Variants in RAD18 observed in about 807,000 individuals in gnomAD.
RAD18 encodes the protein RAD18 E3 ubiquitin protein ligase, also known as E3 ubiquitin-protein ligase RAD18.
In RAD18, 47 loss-of-function variants were observed where a neutral mutation model predicts 60.4. That is an observed-to-expected ratio of 0.78 (90% CI 0.62 to 0.99). The LOEUF is 0.99. Ranked by LOEUF, RAD18 falls within the 50% of genes least tolerant of loss-of-function variation. The pLI is 0.00. For synonymous variants in RAD18, 225 were observed against 195.5 expected (o/e 1.15, Z -1.26); for missense variants, 640 against 593.3 (o/e 1.08, Z -0.82).
intron 12 of RAD18, among the ~76,000 whole-genome samples, chr3:8,886,920 C>T (rs124847): frequency 0.64 from 97,493 of 151,960 alleles, 31,949 homozygotes; most frequent in Middle Eastern, 0.75. Flanking sequence ...GGCCAGAACA[C>T]GAAAAGCCTT....
intron 7 of RAD18, among the ~76,000 whole-genome samples, chr3:8,923,366 AAAGAATAAAAAGAAATGAAC>A (rs1174265862): frequency 3.9e-5 from 6 of 152,266 alleles, no homozygotes; most frequent in African/African-American, 1.4e-4. Flanking sequence ...TTTAGAGAAC[AAAGAATAAAAAGAAATGAAC>A]AAAGCCTCCA....
chr3:8,961,282 T>C (rs1337022219), intron 1 of RAD18, among the ~76,000 whole-genome samples: 1 of 151,744 alleles, frequency 6.6e-6, no homozygotes, highest in Non-Finnish European at 1.5e-5. Flanking sequence ...GAATAGAGAG[T>C]GGTCAGCAGA....
chr3:8,889,174 C>T (rs969264813), intron 12 of RAD18, among the ~76,000 whole-genome samples: 1 of 152,186 alleles, frequency 6.6e-6, no homozygotes, highest in Non-Finnish European at 1.5e-5. Context: ...AAAATGTCAA[C>T]TGCACAGCAA....
intron 12 of RAD18, among the ~76,000 whole-genome samples, chr3:8,887,570 G>A (rs1334340077): frequency 6.6e-6 from 1 of 152,126 alleles, no homozygotes; most frequent in East Asian, 1.9e-4. Context: ...TTTGGTTGGC[G>A]TATCATTTGC....
intron 7 of RAD18, among the ~76,000 whole-genome samples, chr3:8,915,255 T>A (rs1473265797): frequency 1.3e-5 from 2 of 151,992 alleles, no homozygotes; most frequent in South Asian, 2.1e-4. Flanking sequence ...GAGCTATAAA[T>A]AATGTCACTC....
chr3:8,959,050 G>C, intron 1 of RAD18, 49 bp from the exon 2 acceptor site: 1 of 1,487,246 alleles, frequency 6.7e-7, no homozygotes, highest in Non-Finnish European at 9.3e-7. Context: ...ATCAAAATTG[G>C]AAGTCCTGTC....
intron 2 of RAD18, among the ~76,000 whole-genome samples, chr3:8,956,357 A>C (rs1175719038): frequency 6.6e-6 from 1 of 152,236 alleles, no homozygotes; most frequent in East Asian, 1.9e-4. Context: ...CAGGATGGTC[A>C]CTAAACGATT....
chr3:8,938,095 T>G (rs341770), intron 6 of RAD18, among the ~76,000 whole-genome samples: 112,294 of 152,084 alleles, frequency 0.74, 41,648 homozygotes, highest in Middle Eastern at 0.8. Flanking sequence ...AGAAAAGCAG[T>G]TCATCAAACT....
intron 3 of RAD18, 56 bp downstream of exon 3, chr3:8,948,453 A>T: frequency 6.8e-7 from 1 of 1,474,806 alleles, no homozygotes; most frequent in Non-Finnish European, 9.5e-7. Flanking sequence ...CGTATACACA[A>T]AGCAGAAATA....
At chr3:8,881,599 T>C (rs1456082732) in intron 12 of RAD18, 140 bp from the exon 13 acceptor site, 2 of 640,988 alleles carry the variant, frequency 3.1e-6, no homozygotes, top group Admixed American at 3.3e-5. Context: ...TTCATAATTG[T>C]TATTATTAGT....
At chr3:8,939,440 A>G in intron 6 of RAD18, 114 bp downstream of exon 6, 1 of 814,438 alleles carries the variant, frequency 1.2e-6, no homozygotes, top group South Asian at 2.1e-5. Context: ...GAAGAAAGCA[A>G]GTAAGAGCAG....
intron 5 of RAD18, 43 bp from the exon 6 acceptor site, chr3:8,939,696 G>A: frequency 6.5e-7 from 1 of 1,527,146 alleles, no homozygotes; most frequent in Non-Finnish European, 9.0e-7. Flanking sequence ...ATTAATTGTA[G>A]AAGGGGCAAA....
At chr3:8,925,646 G>A (rs956038587) in intron 7 of RAD18, among the ~76,000 whole-genome samples, 6 of 152,172 alleles carry the variant, frequency 3.9e-5, no homozygotes, top group East Asian at 3.9e-4. Flanking sequence ...GATGAACATC[G>A]ATGCAAAAAT....
In RAD18 at chr3:8,958,951, A is replaced by C. The variant is rs771740910; in HGVS notation, c.102T>G (p.Ile34Met). ...GTGAACACTGAGGTATTATCATTGC[A>C]ATGTTGAAATACTCGAAGCAAATTC... ...RCGICFEYFN[I>M]AMIIPQCSHN... The change falls in exon 2 of 13, where the codon ATT (isoleucine) becomes ATG (methionine). Residue 34 changes from isoleucine (I) to methionine (M), a missense_variant. Coordinates refer to ENST00000264926, the MANE Select transcript of RAD18 (RefSeq NM_020165.4). 2 of 1,613,876 alleles carry C rather than the reference A, an allele frequency of 1.2e-6. No individual in the cohort carries two copies.
intron 2 of RAD18, among the ~76,000 whole-genome samples, 180 bp from the exon 3 acceptor site, chr3:8,948,750 A>C (rs1940878343): frequency 6.6e-6 from 1 of 152,178 alleles, no homozygotes; most frequent in South Asian, 2.1e-4. Flanking sequence ...ACAGCATTTT[A>C]AGGAAAGGAA....
At chr3:8,893,666 A>T (rs1423046186) in intron 11 of RAD18, among the ~76,000 whole-genome samples, 1 of 151,308 alleles carries the variant, frequency 6.6e-6, no homozygotes, top group Admixed American at 6.6e-5. Context: ...CACAGTGATA[A>T]TTACTTTGTA....
intron 9 of RAD18, among the ~76,000 whole-genome samples, chr3:8,910,371 C>T (rs576074837): frequency 2.0e-5 from 3 of 152,068 alleles, no homozygotes; most frequent in East Asian, 1.9e-4. Context: ...GAGGCTGAGG[C>T]GGGCGGATCA....
rs1355471903 is a variant in RAD18, at chr3:8,880,201, T to C, written c.*1156A>G. The C allele has an allele frequency of 2.6e-5, 4 of 152,236 alleles. No homozygotes were observed. The highest frequency in any genetic ancestry group is 2.0e-4 in the Admixed American group (3 of 15,286). The allele number at this position is 152,236 out of a possible 1,614,324, so 9.4% of individuals were successfully genotyped here. ...GAAAACACTAAACTCTCAGCCATAA[T>C]GAGACTCCACACATTATCAGAAACC... On this transcript the variant is annotated 3_prime_UTR_variant, in exon 13 of 13. Coordinates refer to ENST00000264926, the MANE Select transcript of RAD18 (RefSeq NM_020165.4).
chr3:8,920,055 G>A (rs1940287429), intron 7 of RAD18, among the ~76,000 whole-genome samples: 1 of 152,202 alleles, frequency 6.6e-6, no homozygotes, highest in Non-Finnish European at 1.5e-5. Context: ...GGCCAAGGCA[G>A]ACAGATCACG....
Sources: allele counts gnomAD v4.1 joint callset (sites outside exome capture counted in the v4.1 genomes callset), GRCh38; gene constraint gnomAD v4.1.1; transcripts MANE v1.5; gene names NCBI Gene and HGNC (gene_info 2026-07-23, HGNC 2026-07-21).